Variants in TNFAIP8 observed in about 807,000 individuals in gnomAD.
TNFAIP8 encodes the protein TNF alpha induced protein 8, also known as tumor necrosis factor alpha-induced protein 8.
Under a neutral mutation model 13.3 loss-of-function variants are expected in TNFAIP8, and 7 were observed. The ratio of observed to expected loss-of-function variants is 0.52; its 90% CI spans 0.30 to 0.99. The LOEUF (loss-of-function observed/expected upper bound fraction) is 0.99. Ranked by LOEUF, TNFAIP8 falls within the 50% of genes least tolerant of loss-of-function variation. The probability of loss-of-function intolerance (pLI) is 0.07; values close to 1 mark genes in which losing one functional copy is unlikely to be tolerated. For missense variants in TNFAIP8, 258 were observed against 236.9 expected (o/e 1.09, Z -0.58); for synonymous variants, 94 against 87.6 (o/e 1.07, Z -0.41).
chr5:119,358,409 A>G (rs150631858), intron 1 of TNFAIP8, among the ~76,000 whole-genome samples: 2 of 152,266 alleles, frequency 1.3e-5, no homozygotes, highest in East Asian at 3.9e-4. Flanking sequence ...GGGGTGCTGG[A>G]TATTTGTCCC....
chr5:119,385,125 T>C (rs1180408717), intron 1 of TNFAIP8, among the ~76,000 whole-genome samples: 1 of 152,230 alleles, frequency 6.6e-6, no homozygotes, highest in Non-Finnish European at 1.5e-5. Flanking sequence ...GCTGGATCTT[T>C]TCAGATTTAT....
At chr5:119,332,306 T>C (rs574197340) in intron 1 of TNFAIP8, among the ~76,000 whole-genome samples, 36 of 152,148 alleles carry the variant, frequency 2.4e-4, no homozygotes, top group Non-Finnish European at 5.0e-4. Flanking sequence ...TAAATCTTAA[T>C]AGCAATTCTG....
chr5:119,307,779 G>A (rs35067404), intron 1 of TNFAIP8, among the ~76,000 whole-genome samples: 20,947 of 152,154 alleles, frequency 0.14, 3,838 homozygotes, highest in African/African-American at 0.42. Context: ...GTGTATATAT[G>A]TATATGTCCT....
intron 1 of TNFAIP8, among the ~76,000 whole-genome samples, chr5:119,299,504 T>A (rs1749290675): frequency 6.6e-6 from 1 of 152,200 alleles, no homozygotes; most frequent in Non-Finnish European, 1.5e-5. Context: ...GTGTGAGGTG[T>A]CAGTCTGCCT....
At chr5:119,370,703 C>T (rs1752040758) in intron 1 of TNFAIP8, among the ~76,000 whole-genome samples, 1 of 152,222 alleles carries the variant, frequency 6.6e-6, no homozygotes, top group South Asian at 2.1e-4. Flanking sequence ...CAAGCATCTT[C>T]TCTGCTATCC....
chr5:119,382,240 A>G (rs1360115312), intron 1 of TNFAIP8, among the ~76,000 whole-genome samples: 4 of 152,108 alleles, frequency 2.6e-5, no homozygotes, highest in Non-Finnish European at 5.9e-5. Flanking sequence ...ATCAGCAAAA[A>G]CTAATGTTTC....
At chr5:119,289,656 T>C (rs960369971) in intron 1 of TNFAIP8, among the ~76,000 whole-genome samples, 3 of 152,226 alleles carry the variant, frequency 2.0e-5, no homozygotes, top group African/African-American at 7.2e-5. Context: ...TGTTTATTAT[T>C]GCCAGCCTCT....
chr5:119,300,922 A>G (rs1219957938), intron 1 of TNFAIP8, among the ~76,000 whole-genome samples: 1 of 152,160 alleles, frequency 6.6e-6, no homozygotes, highest in Non-Finnish European at 1.5e-5. Context: ...TGCAGATGGG[A>G]GTTAAAGGCA....
At chr5:119,387,585 A>C (rs1398115683) in intron 1 of TNFAIP8, among the ~76,000 whole-genome samples, 4 of 152,214 alleles carry the variant, frequency 2.6e-5, no homozygotes, top group Non-Finnish European at 5.9e-5. Flanking sequence ...GTTAATTTTC[A>C]TAAAACTAAG....
At chr5:119,280,403 T>A (rs1440768976) in intron 1 of TNFAIP8, among the ~76,000 whole-genome samples, 1 of 74,192 alleles carries the variant, frequency 1.3e-5, no homozygotes. Flanking sequence ...TCCTTTAAAT[T>A]TTTTTTTTTA....
chr5:119,303,699 A>G (rs910520739), intron 1 of TNFAIP8, among the ~76,000 whole-genome samples: 1 of 152,356 alleles, frequency 6.6e-6, no homozygotes, highest in Non-Finnish European at 1.5e-5. Flanking sequence ...GAGCAGCAAC[A>G]CAAACAACAG....
At chr5:119,277,609 C>G (rs1010346823) in intron 1 of TNFAIP8, among the ~76,000 whole-genome samples, 6 of 152,176 alleles carry the variant, frequency 3.9e-5, no homozygotes, top group African/African-American at 1.4e-4. Context: ...CATTCTGTTT[C>G]CAAATGCAGT....
chr5:119,288,154 C>T (rs1483049450), intron 1 of TNFAIP8, among the ~76,000 whole-genome samples: 1 of 152,174 alleles, frequency 6.6e-6, no homozygotes, highest in African/African-American at 2.4e-5. Flanking sequence ...TATTCCTTTC[C>T]ATCCTCATCT....
intron 1 of TNFAIP8, among the ~76,000 whole-genome samples, chr5:119,371,589 A>G (rs1752073778): frequency 6.9e-6 from 1 of 144,446 alleles, no homozygotes; most frequent in African/African-American, 2.7e-5. Context: ...GATTTGGAAA[A>G]TGAATCAAAT....
rs1749028240 is a variant in TNFAIP8 at position 119,292,671 on chromosome 5, T to TATAC, written c.1+23767_1+23768insCATA. Among the ~76,000 whole-genome samples, 3 of 37,756 alleles carry TATAC rather than the reference T, an allele frequency of 7.9e-5. No individual in the cohort carries two copies. In the South Asian group the frequency reaches 2.6e-3, roughly 33 times the overall value. 24.8% of individuals were successfully genotyped at this position (37,756 alleles called of 152,430 possible). ...ATATATATATATATATATATATATA[T>TATAC]ATATATATATATATACACACACACA... is the stretch of plus-strand genomic sequence containing the variant. On this transcript the variant is annotated intron_variant, in intron 1 of 1. Coordinates refer to the TNFAIP8 transcript ENST00000274456.
chr5:119,330,558 A>G (rs992307221), intron 1 of TNFAIP8, among the ~76,000 whole-genome samples: 4 of 151,998 alleles, frequency 2.6e-5, no homozygotes, highest in African/African-American at 9.7e-5. Flanking sequence ...GCCCTGTCCT[A>G]TTGTGCAGGG....
chr5:119,373,840 C>T (rs748509806), intron 1 of TNFAIP8, among the ~76,000 whole-genome samples: 4 of 152,142 alleles, frequency 2.6e-5, no homozygotes, highest in African/African-American at 7.2e-5. Context: ...AGAATGCCTG[C>T]GTTTTGGGCT....
chr5:119,297,933 G>T (rs1409549463), intron 1 of TNFAIP8, among the ~76,000 whole-genome samples: 2 of 151,906 alleles, frequency 1.3e-5, no homozygotes, highest in Non-Finnish European at 2.9e-5. Context: ...TGCAACCCCT[G>T]CCTTTTTTTG....
At chr5:119,305,560 T>C (rs1324916252) in intron 1 of TNFAIP8, among the ~76,000 whole-genome samples, 1 of 152,074 alleles carries the variant, frequency 6.6e-6, no homozygotes, top group African/African-American at 2.4e-5. Flanking sequence ...CACCTTTGAA[T>C]AGCCATTGCA....
Sources: allele counts gnomAD v4.1 joint callset (sites outside exome capture counted in the v4.1 genomes callset), GRCh38; gene constraint gnomAD v4.1.1; transcripts MANE v1.5; gene names NCBI Gene and HGNC (gene_info 2026-07-23, HGNC 2026-07-21).